Variants in DOCK1 observed in about 807,000 individuals in gnomAD.
DOCK1 encodes the protein dedicator of cytokinesis 1.
In DOCK1, 138 loss-of-function variants were observed where a neutral mutation model predicts 262.7. The observed-to-expected ratio is 0.53, with a 90% CI of 0.46 to 0.61. The LOEUF is 0.61. DOCK1 is among the 20% of genes least tolerant of loss of function. The pLI, the probability that DOCK1 is intolerant of heterozygous loss-of-function variation, is 0.00. For synonymous variants in DOCK1, 866 were observed against 867.4 expected (o/e 1.00, Z 0.03); for missense variants, 1,908 against 2,370.7 (o/e 0.80, Z 4.05).
intron 29 of DOCK1, among the ~76,000 whole-genome samples, chr10:127,326,728 T>C (rs2062762254): frequency 6.6e-6 from 1 of 152,242 alleles, no homozygotes; most frequent in Non-Finnish European, 1.5e-5. Context: ...AAGTTTTCAA[T>C]TTACTTTGGT....
Position 126,961,805 on chromosome 10 carries a change from A to G in DOCK1, c.47-8897A>G, listed in dbSNP as rs2037244342. On this transcript the variant is annotated intron_variant, in intron 1 of 51. Transcript: ENST00000623213. ...TGTTGTGAATAATGCTGCTGTGAAC[A>G]TGGATGTGCAAATATCTATTCCAGA... 2.6e-5 allele frequency among the ~76,000 whole-genome samples: 4 copies of G among 152,252 alleles called. No homozygotes were observed. The South Asian group carries it at 6.2e-4, about 24-fold the overall frequency.
intron 29 of DOCK1, among the ~76,000 whole-genome samples, chr10:127,267,919 G>A (rs2060424679): frequency 6.6e-6 from 1 of 152,196 alleles, no homozygotes; most frequent in East Asian, 1.9e-4. Flanking sequence ...AGGCAGCCAA[G>A]TGAACTGAGT....
intron 27 of DOCK1, among the ~76,000 whole-genome samples, chr10:127,238,744 G>C (rs1449017563): frequency 6.6e-6 from 1 of 152,140 alleles, no homozygotes; most frequent in Non-Finnish European, 1.5e-5. Context: ...AGAAAGACGT[G>C]ACCCAGCCTC....
intron 31 of DOCK1, among the ~76,000 whole-genome samples, chr10:127,352,802 A>G (rs1256916544): frequency 6.6e-6 from 1 of 152,128 alleles, no homozygotes; most frequent in East Asian, 1.9e-4. Context: ...CATGTTGGCC[A>G]GGCTGGTCTT....
intron 27 of DOCK1, among the ~76,000 whole-genome samples, chr10:127,184,252 C>A (rs184543538): frequency 4.4e-4 from 67 of 152,284 alleles, no homozygotes; most frequent in Admixed American, 1.4e-3. Flanking sequence ...TTAGTAGATT[C>A]TGTCAGTATT....
intron 28 of DOCK1, among the ~76,000 whole-genome samples, chr10:127,250,259 A>C (rs906022582): frequency 2.3e-4 from 35 of 152,228 alleles, no homozygotes; most frequent in Admixed American, 1.3e-4. Context: ...TGTAATCTGA[A>C]CTATTAAGTG....
At chr10:126,934,747 GTTTTTT>G (rs1166445414) in intron 1 of DOCK1, among the ~76,000 whole-genome samples, 142 of 107,462 alleles carry the variant, frequency 1.3e-3, no homozygotes, top group African/African-American at 4.6e-3. Context: ...GAATTTACGA[GTTTTTT>G]TTTTTTTTTT....
intron 27 of DOCK1, among the ~76,000 whole-genome samples, chr10:127,144,575 G>A (rs539421775): frequency 1.3e-5 from 2 of 152,080 alleles, no homozygotes. Flanking sequence ...AAGTGCTGCC[G>A]CCCTATTTTC....
chr10:126,997,640 T>C (rs988842218), intron 7 of DOCK1, among the ~76,000 whole-genome samples: 2 of 152,082 alleles, frequency 1.3e-5, no homozygotes, highest in Admixed American at 1.3e-4. Flanking sequence ...AGTATATATA[T>C]ATACACACAC....
At chr10:127,066,857 G>C (rs1161785499) in intron 23 of DOCK1, among the ~76,000 whole-genome samples, 1 of 152,200 alleles carries the variant, frequency 6.6e-6, no homozygotes, top group Non-Finnish European at 1.5e-5. Flanking sequence ...ACCTACCCAA[G>C]GCCACAAGAG....
At chr10:127,291,286 A>G (rs573322406) in intron 29 of DOCK1, among the ~76,000 whole-genome samples, 4 of 152,328 alleles carry the variant, frequency 2.6e-5, no homozygotes, top group African/African-American at 9.6e-5. Context: ...ACCTGGTAGC[A>G]GGTGCCAGCT....
chr10:127,362,510 G>A (rs138599980), intron 33 of DOCK1, among the ~76,000 whole-genome samples: 12 of 152,114 alleles, frequency 7.9e-5, no homozygotes, highest in Non-Finnish European at 1.5e-4. Context: ...TTCTTGGTAC[G>A]TGCTCTTGTA....
Position 127,217,302 on chromosome 10 carries a change from G to A in DOCK1, c.2848-30706G>A, listed in dbSNP as rs145004499. 5.3e-5 allele frequency among the ~76,000 whole-genome samples: 8 copies of A among 152,246 alleles called. 1 individual carries two copies. The highest frequency in any genetic ancestry group is 3.9e-4 in the East Asian group (2 of 5,186). On this transcript the variant is annotated intron_variant, in intron 27 of 51. Transcript: ENST00000623213. Reference sequence around the variant, plus strand: ...CCCTGTGAAACTGCAGAACATAAGCGGTTTAAGTAGTTTCACACTGGGCTT... The same window carrying A: ...CCCTGTGAAACTGCAGAACATAAGCAGTTTAAGTAGTTTCACACTGGGCTT...
chr10:127,216,530 C>T (rs1251206874), intron 27 of DOCK1, among the ~76,000 whole-genome samples: 2 of 152,100 alleles, frequency 1.3e-5, no homozygotes, highest in African/African-American at 2.4e-5. Flanking sequence ...GTGTGCCTTA[C>T]AGCCATTGGG....
At chr10:126,991,057 G>T (rs888939114) in intron 6 of DOCK1, among the ~76,000 whole-genome samples, 1 of 152,204 alleles carries the variant, frequency 6.6e-6, no homozygotes, top group Non-Finnish European at 1.5e-5. Context: ...AGGCTTGCCA[G>T]TTTTCACAAA....
chr10:127,078,617 G>A lies in DOCK1; in HGVS notation c.2445+16841G>A, dbSNP rs111301063. Among the ~76,000 whole-genome samples the A allele has an allele frequency of 7.6e-4, 115 of 152,312 alleles. 1 individual carries two copies. The highest frequency in any genetic ancestry group is 4.4e-3 in the South Asian group (21 of 4,824). On this transcript the variant is annotated intron_variant, in intron 23 of 51. Coordinates refer to ENST00000623213, the MANE Select transcript of DOCK1 (RefSeq NM_001290223.2). ...TGGGTATCTACCCAGAGGAAAAGAAGTCATTATATGAAAAAGATACTTGTA... is the reference window on the plus strand; with the variant it reads ...TGGGTATCTACCCAGAGGAAAAGAAATCATTATATGAAAAAGATACTTGTA...
intron 1 of DOCK1, among the ~76,000 whole-genome samples, chr10:126,908,090 C>T (rs773162806): frequency 2.7e-4 from 39 of 143,728 alleles, no homozygotes; most frequent in Non-Finnish European, 5.2e-4. Context: ...ACCACTCCAT[C>T]GGCATCCAGA....
At chr10:127,259,789 A>ATTTTTT (rs10534535) in intron 29 of DOCK1, among the ~76,000 whole-genome samples, 1 of 144,982 alleles carries the variant, frequency 6.9e-6, no homozygotes. Flanking sequence ...TTAGTTCATG[A>ATTTTTT]TTTTTTTTTT....
intron 29 of DOCK1, among the ~76,000 whole-genome samples, chr10:127,292,330 C>T (rs2720993): frequency 1.2e-3 from 180 of 152,224 alleles, no homozygotes; most frequent in African/African-American, 4.1e-3. Context: ...GCCCTAAGAC[C>T]TTAGTGACTC....
Sources: allele counts gnomAD v4.1 joint callset (sites outside exome capture counted in the v4.1 genomes callset), GRCh38; gene constraint gnomAD v4.1.1; transcripts MANE v1.5; gene names NCBI Gene and HGNC (gene_info 2026-07-23, HGNC 2026-07-21).